Variants in TCF3 observed in about 807,000 individuals in gnomAD.
The protein encoded by TCF3 is transcription factor 3.
In TCF3, 54 loss-of-function variants were observed where a neutral mutation model predicts 72.3. That is an observed-to-expected ratio of 0.75 (90% CI 0.60 to 0.94). TCF3 has a LOEUF of 0.94. Among genes scored for constraint, TCF3 ranks in the 40% least tolerant of loss-of-function variants. TCF3 has a pLI of 0.00. For synonymous variants in TCF3, 525 were observed against 412.6 expected, an observed-to-expected ratio of 1.27 and a Z score of -3.30; for missense variants, 1,078 against 934.4, an observed-to-expected ratio of 1.15 and a Z score of -2.00.
chr19:1,635,214 T>TC, intron 3 of TCF3, among the ~76,000 whole-genome samples: 1 of 152,306 alleles, frequency 6.6e-6, no homozygotes, highest in African/African-American at 2.4e-5. Context: ...GTGCCCCCAC[T>TC]CAGGTGCTCA....
intron 3 of TCF3, among the ~76,000 whole-genome samples, chr19:1,644,539 G>C (rs551034989): frequency 6.6e-6 from 1 of 152,208 alleles, no homozygotes; most frequent in Non-Finnish European, 1.5e-5. Context: ...GGGACAAGGC[G>C]AGACCCTCCC....
At chr19:1,629,632 G>A (rs999029001) in intron 5 of TCF3, among the ~76,000 whole-genome samples, 5 of 152,146 alleles carry the variant, frequency 3.3e-5, no homozygotes, top group African/African-American at 1.2e-4. Flanking sequence ...GTGACACCTG[G>A]ATCCAGCCTT....
At position 1,648,292 on chromosome 19, in the gene TCF3, G is replaced by T. The variant is rs376681840; in HGVS notation, c.73-1865C>A. 2.0e-5 allele frequency among the ~76,000 whole-genome samples: 3 copies of T among 152,232 alleles called. No individual in the cohort carries two copies. The East Asian group carries it at 5.8e-4, about 29-fold the overall frequency. On this transcript the variant is annotated intron_variant, in intron 2 of 18. Transcript: ENST00000262965. ...GAGTGGGGATGCGGGCAGTCACAGGGGCTGCCTCTGCCTCCCCGTCCTGGC... is the reference window on the plus strand; with the variant it reads ...GAGTGGGGATGCGGGCAGTCACAGGTGCTGCCTCTGCCTCCCCGTCCTGGC...
At chr19:1,650,049 CG>C (rs2066768470) in intron 2 of TCF3, 127 bp downstream of exon 2, 7 of 938,060 alleles carry the variant, frequency 7.5e-6, no homozygotes, top group Non-Finnish European at 9.5e-6. Context: ...CCAGCCCCAC[CG>C]GGGCCTCCCA....
chr19:1,621,044 G>C lies in TCF3; in HGVS notation c.1017C>G (p.Ile339Met). 1 of 1,523,156 alleles carries C rather than the reference G, an allele frequency of 6.6e-7. No individual in the cohort carries two copies. Among genetic ancestry groups the C allele is most frequent in the South Asian group, 1.2e-5 (1 of 80,566 alleles). 94.4% of individuals were successfully genotyped at this position (1,523,156 alleles called of 1,614,324 possible). The change falls in exon 13 of 19, where the codon ATC becomes ATG. Residue 339 changes from isoleucine to methionine, a missense_variant and splice_region_variant. Transcript: ENST00000262965. The stretch of plus-strand genomic sequence containing the variant: ...TATTGCTTGAGTGATCCGGGGAGTA[G>C]ATCTGCGAGGAGGACCAGGAGAGAT... ...GDALGKALAS[I>M]YSPDHSSNNF...
intron 8 of TCF3, among the ~76,000 whole-genome samples, chr19:1,623,233 G>A (rs895684540): frequency 9.2e-5 from 14 of 152,108 alleles, no homozygotes; most frequent in Non-Finnish European, 1.6e-4. Context: ...CAGGGAATCG[G>A]CAAATTCCCT....
chr19:1,612,487 G>T, intron 18 of TCF3: 1 of 1,489,476 alleles, frequency 6.7e-7, no homozygotes, highest in Non-Finnish European at 9.3e-7. Flanking sequence ...TGGGTGGGAG[G>T]GCAGGGCTGG....
intron 8 of TCF3, among the ~76,000 whole-genome samples, chr19:1,623,374 A>AC (rs71335378): frequency 1.6e-5 from 2 of 121,602 alleles, no homozygotes; most frequent in African/African-American, 6.3e-5. Flanking sequence ...CAATTGCGGC[A>AC]CCCCCCGCTT....
At chr19:1,638,773 G>A (rs745925555) in intron 3 of TCF3, among the ~76,000 whole-genome samples, 5 of 152,218 alleles carry the variant, frequency 3.3e-5, no homozygotes, top group South Asian at 2.1e-4. Flanking sequence ...TGGCAGAGCC[G>A]CAAAGCGGTA....
At position 1,640,740 on chromosome 19, in the gene TCF3, C is replaced by A. The variant is rs182839298; in HGVS notation, c.145+5615G>T. 4.8e-4 allele frequency among the ~76,000 whole-genome samples: 72 copies of A among 151,396 alleles called. 1 individual carries two copies. Among genetic ancestry groups the A allele is most frequent in the Admixed American group, 4.7e-3 (72 of 15,208 alleles). On this transcript the variant is annotated intron_variant, in intron 3 of 18. Transcript: ENST00000262965. ...AATGGCGTGAACCTGGGAGGCGGAG[C>A]TTGCAGTGAGCTGAGATCACGCCAC...
At position 1,632,393 on chromosome 19, in the gene TCF3, C is replaced by T. The variant is rs368633375; in HGVS notation, c.158G>A (p.Arg53Gln). Residue 53 changes from arginine to glutamine, a missense_variant, in exon 4 of 19, where the codon CGG becomes CAG. Arg to Gln is a conservative substitution (Grantham distance 43). Transcript: ENST00000262965. ...AQFGGSGLEDRPSSGSWGSGD... is the reference protein window; with the variant it reads ...AQFGGSGLEDQPSSGSWGSGD... ...GCTGCCCCAGGAGCCTGAGCTGGGC[C>T]GGTCCTCAAGACCTGCAGGCAGGAC... is the stretch of plus-strand genomic sequence containing the variant. The T allele has an allele frequency of 2.2e-5, 35 of 1,594,846 alleles. No homozygotes were observed. The highest frequency in any genetic ancestry group is 1.3e-4 in the African/African-American group (10 of 74,636).
rs377275351 is a variant in TCF3 at position 1,622,251 on chromosome 19, G to A, written c.653-28C>T. On this transcript the variant is annotated intron_variant, in intron 9 of 18. Transcript: ENST00000262965. Reference sequence around the variant, plus strand: ...GTGGAGGGGAGCTGGTAAGGTGGGGGCCGAGTGGGGAACCCCAGCCCTGCC... The same window carrying A: ...GTGGAGGGGAGCTGGTAAGGTGGGGACCGAGTGGGGAACCCCAGCCCTGCC... 7.2e-5 allele frequency: 109 copies of A among 1,515,438 alleles called. No individual in the cohort carries two copies. The African/African-American group carries it at 1.4e-3, about 20-fold the overall frequency. 93.9% of individuals were successfully genotyped at this position (1,515,438 alleles called of 1,614,324 possible). A position where few individuals can be genotyped will look rare whatever the true frequency, so the allele number is the denominator to read the frequency against.
Position 1,649,169 on chromosome 19 carries a change from G to T in TCF3, c.72+1008C>A, listed in dbSNP as rs1041499328. ...GCCTGCCTGCTCCGCAGTGATAACC[G>T]TGGCAGTCACAATGGTGGCGCTGCT... On this transcript the variant is annotated intron_variant, in intron 2 of 18. Transcript: ENST00000262965. Among the ~76,000 whole-genome samples, 3 of 152,222 alleles carry T rather than the reference G, an allele frequency of 2.0e-5. No individual in the cohort carries two copies. The East Asian group carries it at 5.8e-4, about 29-fold the overall frequency.
At chr19:1,636,549 T>C (rs943044096) in intron 3 of TCF3, among the ~76,000 whole-genome samples, 1 of 152,202 alleles carries the variant, frequency 6.6e-6, no homozygotes, top group Non-Finnish European at 1.5e-5. Flanking sequence ...TCCTCCCACC[T>C]TGTATTTCCC....
intron 3 of TCF3, among the ~76,000 whole-genome samples, chr19:1,633,669 G>C (rs992496376): frequency 6.6e-6 from 1 of 152,168 alleles, no homozygotes; most frequent in Non-Finnish European, 1.5e-5. Flanking sequence ...AATTTCCAAT[G>C]TGATTATGAG....
At chr19:1,631,725 C>A (rs1488980113) in intron 5 of TCF3, among the ~76,000 whole-genome samples, 6 of 152,230 alleles carry the variant, frequency 3.9e-5, no homozygotes, top group Non-Finnish European at 7.3e-5. Context: ...CACAGGCCAG[C>A]CCGGCTGACC....
chr19:1,620,122 C>T (rs2062009181), intron 13 of TCF3, among the ~76,000 whole-genome samples: 1 of 152,180 alleles, frequency 6.6e-6, no homozygotes, highest in Non-Finnish European at 1.5e-5. Context: ...GATAAAGTGG[C>T]TCGGCAGCAC....
intron 7 of TCF3, 142 bp from the exon 8 acceptor site, chr19:1,624,142 A>C: frequency 1.3e-6 from 1 of 744,636 alleles, no homozygotes; most frequent in Non-Finnish European, 2.2e-6. Context: ...TCATGCCTGT[A>C]ATACCAGGAC....
rs2061375384 is a variant in TCF3 at position 1,614,691 on chromosome 19, G to C, written c.1822+594C>G. ...AAGGAAGCAGCCGCCAGCGCCAGCG[G>C]GGGGAAGGAGTCAGCTCACATCTGC... On this transcript the variant is annotated intron_variant, in intron 18 of 18. Transcript: ENST00000262965. The surrounding 1 kb of genome is among the most constrained non-coding windows in gnomAD (Gnocchi z 5.6). Among the ~76,000 whole-genome samples the C allele has an allele frequency of 6.6e-6, 1 of 152,160 alleles. No homozygotes were observed. The highest frequency in any genetic ancestry group is 1.5e-5 in the Non-Finnish European group (1 of 68,020).
Sources: allele counts gnomAD v4.1 joint callset (sites outside exome capture counted in the v4.1 genomes callset), GRCh38; gene constraint gnomAD v4.1.1; non-coding constraint Gnocchi (gnomAD v3.1); transcripts MANE v1.5; gene names NCBI Gene and HGNC (gene_info 2026-07-23, HGNC 2026-07-21).